Variants in TOX observed in about 807,000 individuals in gnomAD.
The protein encoded by TOX is thymocyte selection associated high mobility group box.
TOX carries 11 observed loss-of-function variants against 53.7 expected under a neutral mutation model. That is an observed-to-expected ratio of 0.20 (90% CI 0.13 to 0.34). The LOEUF (loss-of-function observed/expected upper bound fraction) is 0.34, where lower values mean the gene tolerates loss of function less well. TOX is among the 10% of genes least tolerant of loss of function. The pLI is 1.00. For missense variants in TOX, 570 were observed against 664.6 expected (o/e 0.86, Z 1.56); for synonymous variants, 225 against 245.3 (o/e 0.92, Z 0.77).
intron 3 of TOX, among the ~76,000 whole-genome samples, chr8:58,937,146 T>C (rs1338061548): frequency 6.6e-6 from 1 of 151,556 alleles, no homozygotes; most frequent in Non-Finnish European, 1.5e-5. Flanking sequence ...AGCTCCAGAA[T>C]GTAGCTTGAG....
intron 3 of TOX, among the ~76,000 whole-genome samples, chr8:58,902,592 A>G (rs980439068): frequency 7.2e-5 from 11 of 152,232 alleles, no homozygotes; most frequent in African/African-American, 2.7e-4. Context: ...TGGAACTTTT[A>G]TAATAAAGAT....
intron 3 of TOX, among the ~76,000 whole-genome samples, chr8:58,905,821 G>A (rs1204521355): frequency 6.6e-6 from 1 of 152,144 alleles, no homozygotes; most frequent in Admixed American, 6.5e-5. Flanking sequence ...TGATCCTATG[G>A]CAATGTTTAG....
At chr8:58,815,248 A>T in intron 7 of TOX, 90 bp downstream of exon 7, 1 of 1,486,338 alleles carries the variant, frequency 6.7e-7, no homozygotes, top group East Asian at 2.3e-5. Context: ...CATATCCCCA[A>T]TCCTGTCCTG....
At chr8:58,911,448 T>A (rs1811906363) in intron 3 of TOX, among the ~76,000 whole-genome samples, 1 of 152,234 alleles carries the variant, frequency 6.6e-6, no homozygotes, top group Admixed American at 6.5e-5. Flanking sequence ...TATATGCATA[T>A]ACTGTATATC....
chr8:58,963,041 G>T (rs1385474497), intron 1 of TOX, among the ~76,000 whole-genome samples: 1 of 152,224 alleles, frequency 6.6e-6, no homozygotes, highest in South Asian at 2.1e-4. Context: ...GACTAGAACA[G>T]TAAGGACTGA....
intron 1 of TOX, among the ~76,000 whole-genome samples, chr8:59,098,997 A>T (rs1195323955): frequency 6.6e-6 from 1 of 152,214 alleles, no homozygotes; most frequent in Non-Finnish European, 1.5e-5. Context: ...TCTACTCTCG[A>T]TTAAATTTCA....
chr8:58,874,947 G>A (rs1232596513), intron 3 of TOX, among the ~76,000 whole-genome samples: 2 of 152,330 alleles, frequency 1.3e-5, no homozygotes, highest in South Asian at 4.1e-4. Context: ...TCACAAATTT[G>A]TGTGGGGCCA....
At chr8:59,017,248 A>G (rs1563419487) in intron 1 of TOX, among the ~76,000 whole-genome samples, 1 of 152,256 alleles carries the variant, frequency 6.6e-6, no homozygotes, top group Non-Finnish European at 1.5e-5. Context: ...AATTCATAAT[A>G]TTGTTTAAAC....
intron 3 of TOX, among the ~76,000 whole-genome samples, chr8:58,924,408 C>T (rs921536373): frequency 2.6e-5 from 4 of 152,220 alleles, no homozygotes; most frequent in Non-Finnish European, 4.4e-5. Flanking sequence ...AATACTCACT[C>T]GAAGATTCTC....
chr8:59,056,050 T>C (rs1285052285), intron 1 of TOX, among the ~76,000 whole-genome samples: 2 of 152,082 alleles, frequency 1.3e-5, no homozygotes, highest in African/African-American at 4.8e-5. Context: ...TCAAAACATT[T>C]TGCTAAACAT....
chr8:59,031,132 A>G (rs970513328), intron 1 of TOX, among the ~76,000 whole-genome samples: 2 of 152,194 alleles, frequency 1.3e-5, no homozygotes, highest in African/African-American at 4.8e-5. Context: ...GAAAGACCAT[A>G]GGTGTGAAAA....
chr8:59,073,550 CT>C (rs976923755), intron 1 of TOX, among the ~76,000 whole-genome samples: 1 of 151,120 alleles, frequency 6.6e-6, no homozygotes, highest in African/African-American at 2.4e-5. Context: ...TAGTAGGAGA[CT>C]TTTTTTTTAA....
At chr8:59,031,905 A>G (rs1210855255) in intron 1 of TOX, among the ~76,000 whole-genome samples, 4 of 152,230 alleles carry the variant, frequency 2.6e-5, no homozygotes, top group Non-Finnish European at 5.9e-5. Context: ...GTACATAAAG[A>G]GAAATTGGAT....
At chr8:58,924,408 C>A (rs921536373) in intron 3 of TOX, among the ~76,000 whole-genome samples, 2 of 152,218 alleles carry the variant, frequency 1.3e-5, no homozygotes, top group African/African-American at 4.8e-5. Flanking sequence ...AATACTCACT[C>A]GAAGATTCTC....
intron 3 of TOX, among the ~76,000 whole-genome samples, chr8:58,894,191 T>C (rs1302748863): frequency 6.6e-6 from 1 of 152,206 alleles, no homozygotes; most frequent in African/African-American, 2.4e-5. Flanking sequence ...TGCCATGCCA[T>C]GCGACAATGG....
rs530834608 is a variant in TOX, at chr8:59,025,917, C to T, written c.103-65909G>A. Among the ~76,000 whole-genome samples the T allele has an allele frequency of 2.0e-5, 3 of 152,250 alleles. 1 individual carries two copies. The highest frequency in any genetic ancestry group is 6.8e-3 in the Middle Eastern group (2 of 294). On this transcript the variant is annotated intron_variant, in intron 1 of 8. Coordinates refer to ENST00000361421, the MANE Select transcript of TOX (RefSeq NM_014729.3). ...CCTCCAGAACTAACGGAGTTCCAGT[C>T]TTGGAGTCAGTACTCAAAAAGGGTG...
chr8:58,914,962 T>A (rs1811981955), intron 3 of TOX, among the ~76,000 whole-genome samples: 2 of 151,744 alleles, frequency 1.3e-5, no homozygotes, highest in East Asian at 1.9e-4. Context: ...GAAAATTGGG[T>A]CACTCCCACC....
chr8:59,020,489 T>C (rs1187874834), intron 1 of TOX, among the ~76,000 whole-genome samples: 4 of 152,188 alleles, frequency 2.6e-5, no homozygotes, highest in Non-Finnish European at 5.9e-5. Context: ...ACAACTATAA[T>C]GCACAATCAA....
intron 5 of TOX, among the ~76,000 whole-genome samples, chr8:58,827,798 A>G (rs1025435194): frequency 3.9e-5 from 6 of 152,222 alleles, no homozygotes; most frequent in Non-Finnish European, 7.3e-5. Flanking sequence ...AAGATTAGCA[A>G]AGTGAACACA....
Sources: gnomAD v4.1 joint callset for allele counts (sites outside exome capture counted in the v4.1 genomes callset) on GRCh38, gnomAD v4.1.1 for gene constraint, MANE v1.5 for transcripts, NCBI Gene and HGNC (gene_info 2026-07-23, HGNC 2026-07-21) for gene names.